CAST: variants seen among roughly 807,000 people sequenced by gnomAD.
CAST encodes the protein MIR583 host.
A neutral mutation model predicts 119.6 loss-of-function variants in CAST; 76 were observed. The observed-to-expected ratio is 0.64, with a 90% CI of 0.53 to 0.77. The LOEUF (loss-of-function observed/expected upper bound fraction) is 0.77. CAST is among the 30% of genes least tolerant of loss of function. CAST has a pLI of 0.00. For synonymous variants in CAST, 319 were observed against 331.6 expected, an observed-to-expected ratio of 0.96 and a Z score of 0.41; for missense variants, 953 against 946.5, an observed-to-expected ratio of 1.01 and a Z score of -0.09.
chr5:96,283,121 C>G, the CAST span, among the ~76,000 whole-genome samples: 3 of 61,736 alleles, frequency 4.9e-5, no homozygotes, highest in Non-Finnish European at 6.6e-5. Flanking sequence ...CAGAGCGAGA[C>G]TCCGTCTCAA....
chr5:96,771,937 A>T, intron 31 of CAST: 1 of 341,804 alleles, frequency 2.9e-6, no homozygotes, highest in Non-Finnish European at 5.3e-6. Context: ...AAAAGCTTTT[A>T]AAAATATTAG....
intron 1 of CAST, among the ~76,000 whole-genome samples, chr5:96,556,706 A>G (rs1202080948): frequency 6.6e-6 from 1 of 152,254 alleles, no homozygotes; most frequent in African/African-American, 2.4e-5. Flanking sequence ...ATATGGGACT[A>G]TGTGAAAAGA....
intron 1 of CAST, among the ~76,000 whole-genome samples, chr5:96,644,642 C>A (rs1169084757): frequency 6.6e-6 from 1 of 152,102 alleles, no homozygotes; most frequent in African/African-American, 2.4e-5. Context: ...GGTGATACAT[C>A]TGTCAAAATT....
At chr5:95,990,097 G>C in the CAST span, among the ~76,000 whole-genome samples, 1 of 152,162 alleles carries the variant, frequency 6.6e-6, no homozygotes, top group East Asian at 1.9e-4. Flanking sequence ...GAGCATTCAT[G>C]TTAAAAATAA....
At chr5:96,168,429 G>A in the CAST span, among the ~76,000 whole-genome samples, 1 of 152,176 alleles carries the variant, frequency 6.6e-6, no homozygotes, top group African/African-American at 2.4e-5. Context: ...GGTGGTGCAG[G>A]ACATAGAAGG....
At chr5:96,597,822 T>C (rs1010553377) in intron 1 of CAST, among the ~76,000 whole-genome samples, 1 of 151,906 alleles carries the variant, frequency 6.6e-6, no homozygotes, top group Non-Finnish European at 1.5e-5. Flanking sequence ...TCCCTCTAGA[T>C]GTGTAAAGTG....
chr5:96,034,542 T>TTA, the CAST span, among the ~76,000 whole-genome samples: 4,952 of 138,082 alleles, frequency 0.036, 128 homozygotes, highest in Admixed American at 0.081. Context: ...ATATATTCCA[T>TTA]TATATATATA....
At chr5:96,185,039 G>A in the CAST span, among the ~76,000 whole-genome samples, 145 of 152,018 alleles carry the variant, frequency 9.5e-4, no homozygotes, top group African/African-American at 3.1e-3. Context: ...TTTAATAATC[G>A]CCATTCTGAC....
the CAST span, among the ~76,000 whole-genome samples, chr5:96,102,589 TG>T: frequency 1.3e-5 from 2 of 152,224 alleles, no homozygotes; most frequent in Non-Finnish European, 2.9e-5. Context: ...GGTGGAGTTT[TG>T]CCAGGGACCC....
chr5:96,301,886 G>A, the CAST span, among the ~76,000 whole-genome samples: 8 of 152,266 alleles, frequency 5.3e-5, no homozygotes, highest in South Asian at 1.7e-3. Flanking sequence ...ACCATTCGGG[G>A]ATCTGGAGGA....
chr5:96,617,829 A>C (rs970407598), intron 1 of CAST, among the ~76,000 whole-genome samples: 1 of 126,744 alleles, frequency 7.9e-6, no homozygotes, highest in African/African-American at 2.8e-5. Context: ...AAAAAAAAAA[A>C]CACTCTTAGG....
upstream of CAST, among the ~76,000 whole-genome samples, chr5:96,528,311 C>A (rs1006207616): frequency 5.3e-5 from 8 of 152,126 alleles, no homozygotes; most frequent in African/African-American, 1.9e-4. Flanking sequence ...GGGCTTAGAT[C>A]AAGGGACTCA....
the CAST span, among the ~76,000 whole-genome samples, chr5:96,322,334 G>A: frequency 1.3e-5 from 2 of 152,090 alleles, no homozygotes; most frequent in African/African-American, 2.4e-5. Context: ...CCTTGCCAGA[G>A]GTGAGGAAAG....
At chr5:96,453,524 A>C in the CAST span, among the ~76,000 whole-genome samples, 1 of 152,192 alleles carries the variant, frequency 6.6e-6, no homozygotes, top group Non-Finnish European at 1.5e-5. Flanking sequence ...GTATATCACA[A>C]TAATGTGTCA....
chr5:96,410,533 C>A, the CAST span, among the ~76,000 whole-genome samples: 1 of 151,968 alleles, frequency 6.6e-6, no homozygotes, highest in Non-Finnish European at 1.5e-5. Context: ...GGTTTGGTGG[C>A]TTCTCAAGGC....
chr5:96,618,884 G>A (rs1389830838), intron 1 of CAST, among the ~76,000 whole-genome samples: 1 of 152,246 alleles, frequency 6.6e-6, no homozygotes, highest in Non-Finnish European at 1.5e-5. Context: ...TCTGCCCGCA[G>A]CCCCGGCACA....
At chr5:95,970,205 G>A in the CAST span, 5 of 152,204 alleles carry the variant, frequency 3.3e-5, no homozygotes, top group African/African-American at 1.2e-4. Flanking sequence ...CCATCGTGAT[G>A]TGTTGACCTT....
the CAST span, among the ~76,000 whole-genome samples, chr5:95,962,819 G>T: frequency 1.4e-4 from 22 of 152,266 alleles, no homozygotes; most frequent in Admixed American, 1.2e-3. Flanking sequence ...TTTGAGTATT[G>T]TCCTTTTTAT....
the CAST span, among the ~76,000 whole-genome samples, chr5:96,310,603 A>C: frequency 6.6e-6 from 1 of 150,682 alleles, no homozygotes; most frequent in East Asian, 1.9e-4. Flanking sequence ...TACTGACTTA[A>C]TCTCTTAACT....
Sources: allele counts gnomAD v4.1 joint callset (sites outside exome capture counted in the v4.1 genomes callset), GRCh38; gene constraint gnomAD v4.1.1; transcripts MANE v1.5; gene names NCBI Gene and HGNC (gene_info 2026-07-23, HGNC 2026-07-21).